The following GULP1 variants were observed in gnomAD, a reference collection of about 807,000 sequenced individuals.
GULP1 encodes the protein PTB domain-containing engulfment adapter protein 1.
A neutral mutation model predicts 40.9 loss-of-function variants in GULP1; 19 were observed. The observed-to-expected ratio is 0.46, with a 90% CI of 0.32 to 0.68. The LOEUF (loss-of-function observed/expected upper bound fraction) is 0.68, where lower values mean the gene tolerates loss of function less well. GULP1 is among the 30% of genes least tolerant of loss of function. The probability of loss-of-function intolerance (pLI) is 0.03; values close to 1 mark genes in which losing one functional copy is unlikely to be tolerated. For missense variants in GULP1, 312 were observed against 362.2 expected (o/e 0.86, Z 1.12); for synonymous variants, 119 against 117.6 (o/e 1.01, Z -0.08).
intron 2 of GULP1, among the ~76,000 whole-genome samples, chr2:188,390,780 T>C (rs2050411451): frequency 6.6e-6 from 1 of 152,058 alleles, no homozygotes; most frequent in Admixed American, 6.6e-5. Context: ...CCATCTTGAG[T>C]TGTTTTTTTA....
rs140547957 is a variant in GULP1, at chr2:188,448,196, A to G, written c.-44-29463A>G. On this transcript the variant is annotated intron_variant, in intron 2 of 11. Coordinates refer to ENST00000409830, the MANE Select transcript of GULP1 (RefSeq NM_016315.4). ...ATGTTTGACAAAGTTTACATAGATA[A>G]TAGACAACAAGTGTAAAAGCAGAGT... 4.9e-4 allele frequency among the ~76,000 whole-genome samples: 74 copies of G among 152,330 alleles called. 1 individual carries two copies. The highest frequency in any genetic ancestry group is 3.7e-3 in the Admixed American group (57 of 15,302).
chr2:188,539,161 CTA>C (rs1473046419), intron 6 of GULP1, among the ~76,000 whole-genome samples: 1 of 151,956 alleles, frequency 6.6e-6, no homozygotes, highest in Admixed American at 6.6e-5. Flanking sequence ...AAATGAGAGA[CTA>C]TGTAGATTTC....
At chr2:188,583,378 G>C (rs1701711758) in intron 9 of GULP1, among the ~76,000 whole-genome samples, 1 of 152,092 alleles carries the variant, frequency 6.6e-6, no homozygotes, top group Non-Finnish European at 1.5e-5. Context: ...AGCAATCTCT[G>C]TCCAAGTTCT....
chr2:188,516,664 T>C (rs900732883), intron 4 of GULP1, among the ~76,000 whole-genome samples: 8 of 152,182 alleles, frequency 5.3e-5, no homozygotes, highest in Non-Finnish European at 1.2e-4. Context: ...CTGTAGAAGA[T>C]ATTAAATCTG....
chr2:188,582,694 C>A (rs943825329), intron 9 of GULP1: 5 of 351,298 alleles, frequency 1.4e-5, no homozygotes, highest in Non-Finnish European at 2.8e-5. Flanking sequence ...TGATCTGGAG[C>A]CTTTGTGTGC....
At chr2:188,502,439 T>C (rs756353396) in intron 4 of GULP1, among the ~76,000 whole-genome samples, 18 of 152,034 alleles carry the variant, frequency 1.2e-4, no homozygotes, top group Middle Eastern at 3.4e-3. Context: ...AAATTATTCA[T>C]TTTCCCTCTA....
intron 1 of GULP1, among the ~76,000 whole-genome samples, chr2:188,327,321 A>G (rs2040890917): frequency 6.6e-6 from 1 of 152,162 alleles, no homozygotes; most frequent in Admixed American, 6.6e-5. Flanking sequence ...GATTATTTGA[A>G]TCTGGCAATA....
intron 6 of GULP1, among the ~76,000 whole-genome samples, chr2:188,531,288 A>C (rs897446462): frequency 6.6e-6 from 1 of 152,194 alleles, no homozygotes; most frequent in Non-Finnish European, 1.5e-5. Context: ...GGTAGGCCTC[A>C]TTTTCAAATT....
intron 2 of GULP1, among the ~76,000 whole-genome samples, chr2:188,439,605 ATTTG>A (rs1446680905): frequency 1.3e-5 from 2 of 152,004 alleles, no homozygotes; most frequent in Admixed American, 6.6e-5. Context: ...GTGTATGCGT[ATTTG>A]TTTGTGTGTT....
At chr2:188,317,814 G>A (rs1259181296) in intron 1 of GULP1, among the ~76,000 whole-genome samples, 1 of 150,632 alleles carries the variant, frequency 6.6e-6, no homozygotes, top group African/African-American at 2.4e-5. Flanking sequence ...TTTATATTGT[G>A]GCATATGTAT....
intron 1 of GULP1, among the ~76,000 whole-genome samples, chr2:188,354,136 A>C (rs568575997): frequency 6.6e-6 from 1 of 152,104 alleles, no homozygotes; most frequent in African/African-American, 2.4e-5. Context: ...TAGCTACACT[A>C]CACCATTCTA....
intron 7 of GULP1, among the ~76,000 whole-genome samples, chr2:188,558,640 T>C (rs1414828490): frequency 6.6e-6 from 1 of 152,002 alleles, no homozygotes; most frequent in Non-Finnish European, 1.5e-5. Flanking sequence ...GACAGGGAAA[T>C]GTGGGAAAGT....
At chr2:188,496,504 A>T (rs2062910949) in intron 4 of GULP1, among the ~76,000 whole-genome samples, 1 of 152,020 alleles carries the variant, frequency 6.6e-6, no homozygotes, top group Non-Finnish European at 1.5e-5. Flanking sequence ...TGGGGAAAAA[A>T]TGAGCAAGAT....
chr2:188,315,841 G>A (rs1356964968), intron 1 of GULP1, among the ~76,000 whole-genome samples: 1 of 151,998 alleles, frequency 6.6e-6, no homozygotes, highest in Non-Finnish European at 1.5e-5. Flanking sequence ...TTATATGAAT[G>A]CTCCCTCTCT....
intron 2 of GULP1, among the ~76,000 whole-genome samples, chr2:188,390,975 T>C (rs1301696182): frequency 1.3e-5 from 2 of 152,160 alleles, no homozygotes; most frequent in Non-Finnish European, 2.9e-5. Context: ...CATTGGTCTA[T>C]GTGTTTACTT....
At chr2:188,317,206 G>A (rs531588422) in intron 1 of GULP1, among the ~76,000 whole-genome samples, 104 of 152,218 alleles carry the variant, frequency 6.8e-4, no homozygotes, top group Non-Finnish European at 9.7e-4. Flanking sequence ...AAGGAATTAC[G>A]TAATTTTTCA....
At position 188,475,585 on chromosome 2, in the gene GULP1, G is replaced by A. The variant is rs183611137; in HGVS notation, c.-44-2074G>A. Among the ~76,000 whole-genome samples the A allele has an allele frequency of 3.9e-5, 6 of 152,120 alleles. No individual in the cohort carries two copies. The East Asian group carries it at 9.7e-4, about 24-fold the overall frequency. On this transcript the variant is annotated intron_variant, in intron 2 of 11. Transcript: ENST00000409830. ...ACCTCATAGTGATGAAATTTGAGTA[G>A]TGGACAGGTATATTAAATTTTGTCT...
chr2:188,343,332 T>TA (rs923549654), intron 1 of GULP1, among the ~76,000 whole-genome samples: 43 of 152,038 alleles, frequency 2.8e-4, no homozygotes, highest in African/African-American at 9.9e-4. Flanking sequence ...GATCTATACA[T>TA]ACTTAAAGCA....
chr2:188,543,174 TA>T (rs1329536237), intron 7 of GULP1, among the ~76,000 whole-genome samples: 1 of 152,090 alleles, frequency 6.6e-6, no homozygotes, highest in Non-Finnish European at 1.5e-5. Flanking sequence ...GCATGTACCC[TA>T]AAACTTAAAG....
Sources: allele counts gnomAD v4.1 joint callset (sites outside exome capture counted in the v4.1 genomes callset), GRCh38; gene constraint gnomAD v4.1.1; transcripts MANE v1.5; gene names NCBI Gene and HGNC (gene_info 2026-07-23, HGNC 2026-07-21).